Variants in GRIA1 observed in about 807,000 individuals in gnomAD.
The protein encoded by GRIA1 is glutamate receptor 1.
GRIA1 carries 31 observed loss-of-function variants against 99.2 expected under a neutral mutation model. That is an observed-to-expected ratio of 0.31 (90% CI 0.23 to 0.42). The LOEUF is 0.42. Ranked by LOEUF, GRIA1 falls within the 10% of genes least tolerant of loss-of-function variation. The probability of loss-of-function intolerance (pLI) is 1.00; values close to 1 mark genes in which losing one functional copy is unlikely to be tolerated. For synonymous variants in GRIA1, 438 were observed against 432.4 expected (o/e 1.01, Z -0.16); for missense variants, 782 against 1,157.5 (o/e 0.68, Z 4.71).
chr5:153,653,895 A>G (rs1754751697), intron 4 of GRIA1, among the ~76,000 whole-genome samples: 1 of 152,208 alleles, frequency 6.6e-6, no homozygotes, highest in Non-Finnish European at 1.5e-5. Context: ...AAGGATACGA[A>G]CAATCAGAGA....
chr5:153,654,647 T>G (rs1754807743), intron 4 of GRIA1, among the ~76,000 whole-genome samples: 1 of 152,182 alleles, frequency 6.6e-6, no homozygotes, highest in Non-Finnish European at 1.5e-5. Flanking sequence ...TAAAAAAACA[T>G]GAGTCACTAT....
intron 5 of GRIA1, among the ~76,000 whole-genome samples, chr5:153,660,398 A>G (rs544436167): frequency 1.2e-4 from 19 of 152,226 alleles, no homozygotes; most frequent in African/African-American, 4.6e-4. Flanking sequence ...ACAGAGCTTC[A>G]GAAAGGTTGA....
At chr5:153,722,519 G>T (rs1376467789) in intron 11 of GRIA1, among the ~76,000 whole-genome samples, 1 of 152,118 alleles carries the variant, frequency 6.6e-6, no homozygotes, top group Admixed American at 6.5e-5. Context: ...TTGTTTGTTT[G>T]TTGGTACATA....
At chr5:153,767,539 C>G (rs1256593704) in intron 12 of GRIA1, among the ~76,000 whole-genome samples, 2 of 152,282 alleles carry the variant, frequency 1.3e-5, no homozygotes, top group East Asian at 1.9e-4. Flanking sequence ...CATGCATAAG[C>G]CTTTCCATCT....
intron 2 of GRIA1, among the ~76,000 whole-genome samples, chr5:153,636,115 G>A (rs1375084941): frequency 6.6e-6 from 1 of 152,112 alleles, no homozygotes; most frequent in Non-Finnish European, 1.5e-5. Flanking sequence ...AGAGCACCCA[G>A]AGTCACCATG....
At chr5:153,642,988 G>A (rs1753882687) in intron 2 of GRIA1, among the ~76,000 whole-genome samples, 1 of 152,102 alleles carries the variant, frequency 6.6e-6, no homozygotes, top group African/African-American at 2.4e-5. Flanking sequence ...GTGAGATATG[G>A]GCTGAGGCAC....
chr5:153,729,674 A>T (rs968697346), intron 11 of GRIA1, among the ~76,000 whole-genome samples: 1 of 152,108 alleles, frequency 6.6e-6, no homozygotes, highest in Non-Finnish European at 1.5e-5. Flanking sequence ...TACTGAAATG[A>T]TAGGGCTTTG....
At chr5:153,776,195 T>C (rs1324558875) in intron 13 of GRIA1, among the ~76,000 whole-genome samples, 1 of 152,092 alleles carries the variant, frequency 6.6e-6, no homozygotes, top group African/African-American at 2.4e-5. Context: ...TGGTAGGAGA[T>C]AATGAATGTG....
chr5:153,631,443 T>G (rs1399424223), intron 2 of GRIA1, among the ~76,000 whole-genome samples: 1 of 152,238 alleles, frequency 6.6e-6, no homozygotes, highest in Non-Finnish European at 1.5e-5. Context: ...TTTATTATAC[T>G]TGGACAATTT....
intron 11 of GRIA1, among the ~76,000 whole-genome samples, chr5:153,707,361 C>T (rs1427334929): frequency 6.6e-6 from 1 of 152,136 alleles, no homozygotes; most frequent in Non-Finnish European, 1.5e-5. Context: ...AGGAAACCTG[C>T]CAATCTAGAC....
chr5:153,665,563 C>T lies in GRIA1; in HGVS notation c.700-8937C>T, dbSNP rs1263707188. 5.3e-5 allele frequency among the ~76,000 whole-genome samples: 8 copies of T among 152,160 alleles called. 1 individual carries two copies. The highest frequency in any genetic ancestry group is 3.9e-4 in the Admixed American group (6 of 15,280). On this transcript the variant is annotated intron_variant, in intron 5 of 15. Transcript: ENST00000285900. ...AAATGTGAAGACTTTTATGCAGAGA[C>T]ATGGGTATTTGAGGACACAATTAAG... is the stretch of plus-strand genomic sequence containing the variant.
At chr5:153,743,594 G>GA (rs1761960071) in intron 11 of GRIA1, among the ~76,000 whole-genome samples, 1 of 151,774 alleles carries the variant, frequency 6.6e-6, no homozygotes, top group Non-Finnish European at 1.5e-5. Flanking sequence ...TCAGTGATAG[G>GA]ACCCTCCCTC....
At chr5:153,678,631 G>C (rs1756760106) in intron 7 of GRIA1, among the ~76,000 whole-genome samples, 1 of 152,182 alleles carries the variant, frequency 6.6e-6, no homozygotes. Flanking sequence ...GACAGATTCT[G>C]TTTGCAATGT....
At chr5:153,571,107 TCC>T (rs1404692351) in intron 2 of GRIA1, among the ~76,000 whole-genome samples, 1 of 152,176 alleles carries the variant, frequency 6.6e-6, no homozygotes, top group Non-Finnish European at 1.5e-5. Context: ...TGGGGGGCTG[TCC>T]TGCACAATGG....
chr5:153,653,553 C>T (rs1754724620), intron 4 of GRIA1, among the ~76,000 whole-genome samples: 1 of 152,184 alleles, frequency 6.6e-6, no homozygotes. Context: ...ATAAAACAGT[C>T]ATTAAGCACA....
At chr5:153,544,717 A>G (rs1262205382) in intron 2 of GRIA1, among the ~76,000 whole-genome samples, 1 of 152,196 alleles carries the variant, frequency 6.6e-6, no homozygotes, top group Non-Finnish European at 1.5e-5. Context: ...TGCCAAGGTC[A>G]GGGAAAAGCC....
intron 2 of GRIA1, among the ~76,000 whole-genome samples, chr5:153,616,769 G>C (rs1766545920): frequency 6.6e-6 from 1 of 152,184 alleles, no homozygotes; most frequent in Admixed American, 6.5e-5. Context: ...TCAGGGAAAA[G>C]GGACTTTGGA....
At chr5:153,576,638 G>T (rs78771277) in intron 2 of GRIA1, among the ~76,000 whole-genome samples, 2,919 of 152,100 alleles carry the variant, frequency 0.019, 42 homozygotes, top group Middle Eastern at 0.041. Context: ...TATATATATT[G>T]TTAAAAAATT....
intron 6 of GRIA1, among the ~76,000 whole-genome samples, chr5:153,676,620 C>T (rs547989667): frequency 6.6e-6 from 1 of 152,236 alleles, no homozygotes; most frequent in East Asian, 1.9e-4. Flanking sequence ...GAACTGTATC[C>T]AGCCTGCAGA....
Sources: gnomAD v4.1 joint callset for allele counts (sites outside exome capture counted in the v4.1 genomes callset) on GRCh38, gnomAD v4.1.1 for gene constraint, MANE v1.5 for transcripts, NCBI Gene and HGNC (gene_info 2026-07-23, HGNC 2026-07-21) for gene names.